AGAP1: variants seen among roughly 807,000 people sequenced by gnomAD.
AGAP1 encodes the protein arf-GAP with GTPase, ANK repeat and PH domain-containing protein 1.
A neutral mutation model predicts 105.3 loss-of-function variants in AGAP1; 29 were observed. The ratio of observed to expected loss-of-function variants is 0.28; its 90% CI spans 0.21 to 0.38. The LOEUF is 0.38. Ranked by LOEUF, AGAP1 falls within the 10% of genes least tolerant of loss-of-function variation. The pLI, the probability that AGAP1 is intolerant of heterozygous loss-of-function variation, is 1.00. For missense variants in AGAP1, 998 were observed against 1,165.1 expected (o/e 0.86, Z 2.09); for synonymous variants, 509 against 485.9 (o/e 1.05, Z -0.63).
intron 16 of AGAP1, among the ~76,000 whole-genome samples, chr2:236,049,990 T>G (rs1458627485): frequency 6.6e-6 from 1 of 152,194 alleles, no homozygotes; most frequent in Non-Finnish European, 1.5e-5. Context: ...ATCTCCGTAC[T>G]TGTCTAAAGC....
chr2:236,023,112 G>A (rs1432480825), intron 13 of AGAP1, among the ~76,000 whole-genome samples: 1 of 152,162 alleles, frequency 6.6e-6, no homozygotes, highest in African/African-American at 2.4e-5. Flanking sequence ...ATGGTAGAGG[G>A]AGAAAGACCA....
At chr2:236,021,186 T>G (rs544990214) in intron 13 of AGAP1, among the ~76,000 whole-genome samples, 1 of 144,872 alleles carries the variant, frequency 6.9e-6, no homozygotes, top group Non-Finnish European at 1.5e-5. Flanking sequence ...AAAAAAAAAC[T>G]AATACAGATA....
chr2:236,004,588 A>G (rs757110185), intron 13 of AGAP1, among the ~76,000 whole-genome samples: 3 of 152,248 alleles, frequency 2.0e-5, no homozygotes, highest in Non-Finnish European at 2.9e-5. Context: ...CAAATAAAAT[A>G]TATGGAGACA....
In AGAP1 at chr2:235,959,946, G is replaced by T. The variant is rs1575891623; in HGVS notation, c.1484-8516G>T. On this transcript the variant is annotated intron_variant, in intron 12 of 17. Transcript: ENST00000304032. The surrounding 1 kb of genome is among the most constrained non-coding windows in gnomAD (Gnocchi z 7.3). ...CACCTCTGAGTGGTCAGGCGCCACT[G>T]GTTGTCTCCTTCCAGCAAGAAAGTT... 6.6e-6 allele frequency among the ~76,000 whole-genome samples: 1 copy of T among 152,172 alleles called. No homozygotes were observed. Among genetic ancestry groups the T allele is most frequent in the Non-Finnish European group, 1.5e-5 (1 of 68,026 alleles).
chr2:235,499,044 C>G (rs956814901), intron 1 of AGAP1, among the ~76,000 whole-genome samples: 8 of 152,200 alleles, frequency 5.3e-5, no homozygotes, highest in Admixed American at 1.3e-4. Flanking sequence ...GTCTGAGGTG[C>G]ATCATCTCAG....
At chr2:235,616,671 C>G (rs1201713428) in intron 1 of AGAP1, among the ~76,000 whole-genome samples, 1 of 152,094 alleles carries the variant, frequency 6.6e-6, no homozygotes, top group Non-Finnish European at 1.5e-5. Context: ...CCTGCCCCAC[C>G]TGTGGTTTCA....
rs373756580 is a variant in AGAP1 at position 236,049,213 on chromosome 2, C to T, written c.2046C>T (p.Asn682=). 3.3e-5 allele frequency: 54 copies of T among 1,614,066 alleles called. No homozygotes were observed. The highest frequency in any genetic ancestry group is 2.0e-4 in the African/African-American group (15 of 74,914). ...ELIKVMSSIG[N]ELANSVWEES... is the part of the protein sequence containing the mutation. The stretch of plus-strand genomic sequence containing the variant: ...TCAAGGTGATGTCATCCATCGGGAA[C>T]GAGCTAGCCAACAGCGTCTGGGAAG... The change falls in exon 16 of 18, where the codon AAC becomes AAT. Residue 682 remains asparagine (N), a synonymous_variant. Coordinates refer to ENST00000304032, the MANE Select transcript of AGAP1 (RefSeq NM_001037131.3).
rs545626292 is a variant in AGAP1, at chr2:235,550,460, C to T, written c.163+55611C>T. On this transcript the variant is annotated intron_variant, in intron 1 of 17. Coordinates refer to ENST00000304032, the MANE Select transcript of AGAP1 (RefSeq NM_001037131.3). The surrounding 1 kb of genome is among the most constrained non-coding windows in gnomAD (Gnocchi z 4.6). Reference sequence around the variant, plus strand: ...CCTGGTCCCAGCTCTGCCTTCCTCTCCTCAAATGCCATTCACAGCAGTGTC... The same window carrying T: ...CCTGGTCCCAGCTCTGCCTTCCTCTTCTCAAATGCCATTCACAGCAGTGTC... 4.6e-5 allele frequency among the ~76,000 whole-genome samples: 7 copies of T among 152,350 alleles called. No individual in the cohort carries two copies. The highest frequency in any genetic ancestry group is 1.7e-4 in the African/African-American group (7 of 41,592).
At chr2:235,938,775 C>T (rs1227779999) in intron 12 of AGAP1, among the ~76,000 whole-genome samples, 1 of 152,088 alleles carries the variant, frequency 6.6e-6, no homozygotes, top group Non-Finnish European at 1.5e-5. Flanking sequence ...AGCGGAGGGC[C>T]GAGATGGGGA....
chr2:236,117,057 A>G (rs976001968), intron 16 of AGAP1, among the ~76,000 whole-genome samples: 2 of 152,190 alleles, frequency 1.3e-5, no homozygotes, highest in African/African-American at 2.4e-5. Flanking sequence ...TTGTGCTGCT[A>G]TAAACGTGTG....
chr2:235,778,015 T>G (rs1369399812), intron 6 of AGAP1, among the ~76,000 whole-genome samples: 1 of 152,126 alleles, frequency 6.6e-6, no homozygotes, highest in Non-Finnish European at 1.5e-5. Context: ...CTCATATCTG[T>G]GTGTTTCACC....
rs1160240635 is a variant in AGAP1, at chr2:235,612,417, C to T, written c.164-96762C>T. ...TAAATAATTTATGTCAGCTGGAGCCCTTGGCCCTGGTAATGAGATCTCAGG... is the reference window on the plus strand; with the variant it reads ...TAAATAATTTATGTCAGCTGGAGCCTTTGGCCCTGGTAATGAGATCTCAGG... On this transcript the variant is annotated intron_variant, in intron 1 of 17. Coordinates refer to ENST00000304032, the MANE Select transcript of AGAP1 (RefSeq NM_001037131.3). This position sits in a 1 kb window ranked among gnomAD's most constrained non-coding sequence, Gnocchi z 4.3. Among the ~76,000 whole-genome samples the T allele has an allele frequency of 6.6e-6, 1 of 152,192 alleles. No individual in the cohort carries two copies. The highest frequency in any genetic ancestry group is 2.4e-5 in the African/African-American group (1 of 41,450).
At position 236,036,542 on chromosome 2, in the gene AGAP1, C is replaced by T; in HGVS notation, c.1646-19C>T. 4 of 1,613,082 alleles carry T rather than the reference C, an allele frequency of 2.5e-6. No individual in the cohort carries two copies. The highest frequency in any genetic ancestry group is 1.7e-6 in the Non-Finnish European group (2 of 1,179,360). ...GTCTCATAAAAGCTAAACTCTTCATCCCACACTCTGTGTTTCAGAACAAGA... is the reference window on the plus strand; with the variant it reads ...GTCTCATAAAAGCTAAACTCTTCATTCCACACTCTGTGTTTCAGAACAAGA... On this transcript the variant is annotated intron_variant, in intron 13 of 17. Transcript: ENST00000304032. The surrounding 1 kb of genome is among the most constrained non-coding windows in gnomAD (Gnocchi z 5.7).
chr2:235,540,076 C>A (rs1420767463), intron 1 of AGAP1, among the ~76,000 whole-genome samples: 1 of 151,384 alleles, frequency 6.6e-6, no homozygotes, highest in African/African-American at 2.4e-5. Context: ...TGGACAGTGG[C>A]AGGTGGGGAC....
At chr2:235,886,302 A>G (rs770765068) in intron 10 of AGAP1, among the ~76,000 whole-genome samples, 12 of 152,260 alleles carry the variant, frequency 7.9e-5, no homozygotes, top group Non-Finnish European at 1.5e-5. Flanking sequence ...GTGAGAGCTG[A>G]TGGATGATAC....
At chr2:235,519,144 C>T (rs1309708438) in intron 1 of AGAP1, among the ~76,000 whole-genome samples, 2 of 152,178 alleles carry the variant, frequency 1.3e-5, no homozygotes. Context: ...ACAATCGTAG[C>T]TCACCATAAC....
intron 7 of AGAP1, 51 bp downstream of exon 7, chr2:235,797,937 CAA>C: frequency 6.3e-7 from 1 of 1,596,460 alleles, no homozygotes; most frequent in Non-Finnish European, 8.5e-7. Flanking sequence ...AGACAATATG[CAA>C]ATAGTGTTCC....
In AGAP1 at chr2:235,976,068, A is replaced by G. The variant is rs888003934; in HGVS notation, c.1645+7445A>G. Among the ~76,000 whole-genome samples the G allele has an allele frequency of 5.5e-4, 83 of 152,284 alleles. No individual in the cohort carries two copies. The highest frequency in any genetic ancestry group is 1.8e-3 in the African/African-American group (76 of 41,556). On this transcript the variant is annotated intron_variant, in intron 13 of 17. Coordinates refer to ENST00000304032, the MANE Select transcript of AGAP1 (RefSeq NM_001037131.3). This position sits in a 1 kb window ranked among gnomAD's most constrained non-coding sequence, Gnocchi z 4.5. ...AATGTGGAAAACCAAGAATCAGAAC[A>G]TCTTCCTGGGAGATACGCTGGAAAT...
chr2:235,819,029 G>C (rs985126681), intron 9 of AGAP1, among the ~76,000 whole-genome samples: 1 of 152,216 alleles, frequency 6.6e-6, no homozygotes, highest in African/African-American at 2.4e-5. Context: ...TTGAGCTCCA[G>C]TGTTCATCGG....
Sources: allele counts gnomAD v4.1 joint callset (sites outside exome capture counted in the v4.1 genomes callset), GRCh38; gene constraint gnomAD v4.1.1; non-coding constraint Gnocchi (gnomAD v3.1); transcripts MANE v1.5; gene names NCBI Gene and HGNC (gene_info 2026-07-23, HGNC 2026-07-21).